PCK2: variants seen among roughly 807,000 people sequenced by gnomAD.
The protein encoded by PCK2 is phosphoenolpyruvate carboxykinase [GTP], mitochondrial.
Under a neutral mutation model 65.9 loss-of-function variants are expected in PCK2, and 56 were observed. That is an observed-to-expected ratio of 0.85 (90% CI 0.69 to 1.06). The LOEUF (loss-of-function observed/expected upper bound fraction) is 1.06, where lower values mean the gene tolerates loss of function less well. Among genes scored for constraint, PCK2 ranks in the 50% least tolerant of loss-of-function variants. The probability of loss-of-function intolerance (pLI) is 0.00; values close to 1 mark genes in which losing one functional copy is unlikely to be tolerated. For synonymous variants in PCK2, 305 were observed against 319.6 expected, an observed-to-expected ratio of 0.95 and a Z score of 0.49; for missense variants, 843 against 863.1, an observed-to-expected ratio of 0.98 and a Z score of 0.29.
At chr14:24,100,480 C>A in intron 7 of PCK2, 1 of 826,770 alleles carries the variant, frequency 1.2e-6, no homozygotes, top group Non-Finnish European at 1.7e-6. Flanking sequence ...TAGTACCTAT[C>A]TCATGAGATT....
rs771599629 is a variant in PCK2, at chr14:24,103,689, G to T, written c.1648G>T (p.Glu550Ter). Residue 550 changes from glutamate to a stop codon, truncating the protein, a stop_gained, in exon 10 of 10, where the codon GAG (glutamate) becomes TAG (stop). Coordinates refer to ENST00000216780, the MANE Select transcript of PCK2 (RefSeq NM_004563.4). LOFTEE classifies it high-confidence loss of function. ...GCACTTCCTGTGGCCAGGCTTTGGGGAGAATGCTCGGGTGCTAGACTGGAT... is the reference window on the plus strand; with the variant it reads ...GCACTTCCTGTGGCCAGGCTTTGGGTAGAATGCTCGGGTGCTAGACTGGAT... ...AGHFLWPGFG[E>*]NARVLDWICR... 24 of 1,614,112 alleles carry T rather than the reference G, an allele frequency of 1.5e-5. No individual in the cohort carries two copies. Among genetic ancestry groups the T allele is most frequent in the Non-Finnish European group, 1.9e-5 (22 of 1,180,050 alleles).
Position 24,100,175 on chromosome 14 carries a change from T to C in PCK2, c.1196T>C (p.Val399Ala), listed in dbSNP as rs748659655. 6.2e-7 allele frequency: 1 copy of C among 1,614,162 alleles called. No homozygotes were observed. Among genetic ancestry groups the C allele is most frequent in the Admixed American group, 1.7e-5 (1 of 60,018 alleles). ...ATTGACCAGCCTCTTCCACCTGGTG[T>C]TACTGTGACCTCCTGGCTGGGCAAA... Reference protein sequence around the residue: ...EGIDQPLPPGVTVTSWLGKPW... With the variant: ...EGIDQPLPPGATVTSWLGKPW... The change falls in exon 7 of 10, where the codon GTT becomes GCT. Residue 399 changes from valine to alanine, a missense_variant. Coordinates refer to ENST00000216780, the MANE Select transcript of PCK2 (RefSeq NM_004563.4).
At chr14:24,100,619 C>G (rs1412012224) in intron 7 of PCK2, 1 of 1,036,580 alleles carries the variant, frequency 9.6e-7, no homozygotes, top group Admixed American at 4.9e-5. Context: ...AACATTCTTA[C>G]AGAAGGTATT....
At chr14:24,095,039 T>C (rs2036802299) in intron 1 of PCK2, 2 of 450,532 alleles carry the variant, frequency 4.4e-6, no homozygotes. Context: ...GTTTCTTACA[T>C]AGCTGGCTTC....
intron 5 of PCK2, 131 bp from the exon 6 acceptor site, chr14:24,099,427 T>C (rs1252885314): frequency 9.6e-7 from 1 of 1,046,614 alleles, no homozygotes; most frequent in Non-Finnish European, 1.4e-6. Context: ...CCAGGCCTGA[T>C]GGCAGGGCAA....
In PCK2 at chr14:24,099,625, G is replaced by A. The variant is rs1461038183; in HGVS notation, c.920G>A (p.Gly307Asp). Residue 307 changes from glycine (G) to aspartate (D), a missense_variant, in exon 6 of 10, where the codon GGC becomes GAC. Coordinates refer to ENST00000216780, the MANE Select transcript of PCK2 (RefSeq NM_004563.4). ...YVAAAFPSACGKTNLAMMRPA... is the reference protein window; with the variant it reads ...YVAAAFPSACDKTNLAMMRPA... Reference sequence around the variant, plus strand: ...GCAGCCGCCTTCCCTAGTGCCTGTGGCAAGACCAACCTGGCTATGATGCGG... The same window carrying A: ...GCAGCCGCCTTCCCTAGTGCCTGTGACAAGACCAACCTGGCTATGATGCGG... The A allele has an allele frequency of 1.2e-6, 2 of 1,613,938 alleles. No homozygotes were observed. The highest frequency in any genetic ancestry group is 1.7e-5 in the Admixed American group (1 of 60,012).
Position 24,098,540 on chromosome 14 carries a change from G to A in PCK2, c.526G>A (p.Val176Met), listed in dbSNP as rs748036812. Residue 176 changes from valine to methionine, a missense_variant, in exon 4 of 10, where the codon GTG becomes ATG. Transcript: ENST00000216780. Reference protein sequence around the residue: ...PVGSPLSRIGVQLTDSAYVVA... With the variant: ...PVGSPLSRIGMQLTDSAYVVA... ...GGGCTCCCCGCTGTCCCGCATCGGG[G>A]TGCAGCTCACTGACTCAGCCTATGT... 8 of 1,614,194 alleles carry A rather than the reference G, an allele frequency of 5.0e-6. No homozygotes were observed. The highest frequency in any genetic ancestry group is 2.2e-5 in the South Asian group (2 of 91,088).
intron 8 of PCK2, 34 bp from the exon 9 acceptor site, chr14:24,103,126 G>C: frequency 6.5e-7 from 1 of 1,540,702 alleles, no homozygotes; most frequent in Non-Finnish European, 9.0e-7. Context: ...CCAAAGAAAA[G>C]GGCTGCCTGT....
Position 24,099,131 on chromosome 14 carries a change from C to T in PCK2, c.747C>T (p.Phe249=), listed in dbSNP as rs149974910. The T allele has an allele frequency of 4.6e-3, 7,469 of 1,612,296 alleles. 26 individuals carry two copies. The highest frequency in any genetic ancestry group is 8.0e-3 in the East Asian group (361 of 44,888). ...HVPDQREIIS[F]GSGYGGNSLL... ...CCGACCAGCGGGAGATCATCTCCTT[C>T]GGCAGCGGCTATGGTGGCAACTCCC... The change falls in exon 5 of 10, where the codon TTC becomes TTT. Residue 249 remains phenylalanine (F), a synonymous_variant. Coordinates refer to ENST00000216780, the MANE Select transcript of PCK2 (RefSeq NM_004563.4).
chr14:24,103,616 G>A lies in PCK2; in HGVS notation c.1575G>A (p.Gln525=), dbSNP rs1232111972. Residue 525 remains glutamine (Q), a synonymous_variant, in exon 10 of 10, where the codon CAG becomes CAA. Transcript: ENST00000216780. ...GCATGGAAGGGCGCAAGGGGGCCCA[G>A]CTGCCCCGTATCTTCCATGTCAACT... ...WLSMEGRKGA[Q]LPRIFHVNWF... The A allele has an allele frequency of 3.1e-6, 5 of 1,613,448 alleles. No individual in the cohort carries two copies. The highest frequency in any genetic ancestry group is 4.2e-6 in the Non-Finnish European group (5 of 1,179,590).
At chr14:24,094,186 C>T, upstream of PCK2, 1 of 560,686 alleles carries the variant, frequency 1.8e-6, no homozygotes, top group South Asian at 2.2e-5. This position sits in a 1 kb window ranked among gnomAD's most constrained non-coding sequence, Gnocchi z 4.1. Context: ...GACCTGGAGC[C>T]TGGAGCCCCG....
intron 7 of PCK2, chr14:24,100,475 C>A: frequency 1.2e-6 from 1 of 832,382 alleles, no homozygotes; most frequent in South Asian, 2.6e-5. Context: ...TGTGATAGTA[C>A]CTATCTCATG....
At chr14:24,095,462 C>G in intron 1 of PCK2, 1 of 339,664 alleles carries the variant, frequency 2.9e-6, no homozygotes, top group Non-Finnish European at 5.9e-6. Flanking sequence ...GCTTCTACCC[C>G]AGACAGACTC....
Position 24,094,645 on chromosome 14 carries a change from C to G in PCK2, c.29+211C>G. The G allele has an allele frequency of 6.7e-7, 1 of 1,491,250 alleles. No homozygotes were observed. Among genetic ancestry groups the G allele is most frequent in the Non-Finnish European group, 8.9e-7 (1 of 1,121,834 alleles). 92.4% of individuals were successfully genotyped at this position (1,491,250 alleles called of 1,614,324 possible). A position where few individuals can be genotyped will look rare whatever the true frequency, so the allele number is the denominator to read the frequency against. On this transcript the variant is annotated intron_variant, in intron 1 of 9. Transcript: ENST00000216780. This position sits in a 1 kb window ranked among gnomAD's most constrained non-coding sequence, Gnocchi z 4.1. The stretch of plus-strand genomic sequence containing the variant: ...TGCTCCTCGTTTCCGCCTGCACCTC[C>G]CCTTCTCTGCCTCGCTCGCCTCTGA...
At chr14:24,096,860 C>G (rs1240701911) in intron 1 of PCK2, 32 bp from the exon 2 acceptor site, 7 of 1,596,042 alleles carry the variant, frequency 4.4e-6, no homozygotes, top group South Asian at 3.3e-5. Context: ...TCGATGACAG[C>G]AACTAGCTCA....
chr14:24,098,178 T>G, intron 2 of PCK2, 25 bp from the exon 3 acceptor site: 1 of 1,571,640 alleles, frequency 6.4e-7, no homozygotes, highest in Non-Finnish European at 8.7e-7. Context: ...GGCCACCATC[T>G]TCCTGACAAT....
chr14:24,099,908 C>G (rs1445631553), intron 6 of PCK2, 87 bp from the exon 7 acceptor site: 1 of 1,612,050 alleles, frequency 6.2e-7, no homozygotes, highest in Admixed American at 1.7e-5. Context: ...CATCTCAGGA[C>G]AGGGGTGGGT....
intron 7 of PCK2, among the ~76,000 whole-genome samples, chr14:24,101,543 G>C (rs921258042): frequency 6.6e-6 from 1 of 152,202 alleles, no homozygotes; most frequent in African/African-American, 2.4e-5. Context: ...CTACCCATGT[G>C]ATATCCCTAT....
rs1566582666 is a variant in PCK2 at position 24,103,829 on chromosome 14, C to T, written c.1788C>T (p.Phe596=). The stretch of plus-strand genomic sequence containing the variant: ...GAGCTATAGACACCACTCAGCTGTT[C>T]TCCCTCCCCAAGGACTTCTGGGAAC... ...GLRAIDTTQL[F]SLPKDFWEQE... The change falls in exon 10 of 10, where the codon TTC becomes TTT. Residue 596 remains phenylalanine (F), a synonymous_variant. Coordinates refer to ENST00000216780, the MANE Select transcript of PCK2 (RefSeq NM_004563.4). 1.9e-6 allele frequency: 3 copies of T among 1,614,152 alleles called. No homozygotes were observed. Among genetic ancestry groups the T allele is most frequent in the Non-Finnish European group, 2.5e-6 (3 of 1,180,018 alleles).
Sources: allele counts gnomAD v4.1 joint callset (sites outside exome capture counted in the v4.1 genomes callset), GRCh38; gene constraint gnomAD v4.1.1; non-coding constraint Gnocchi (gnomAD v3.1); transcripts MANE v1.5; gene names NCBI Gene and HGNC (gene_info 2026-07-23, HGNC 2026-07-21).